ANKRD6: variants seen among roughly 807,000 people sequenced by gnomAD.
The protein encoded by ANKRD6 is ankyrin repeat domain-containing protein 6.
Under a neutral mutation model 82.3 loss-of-function variants are expected in ANKRD6, and 56 were observed. The ratio of observed to expected loss-of-function variants is 0.68; its 90% CI spans 0.55 to 0.85. The LOEUF is 0.85. Among genes scored for constraint, ANKRD6 ranks in the 40% least tolerant of loss-of-function variants. The pLI is 0.00. For missense variants in ANKRD6, 852 were observed against 907.6 expected (o/e 0.94, Z 0.79); for synonymous variants, 347 against 352.1 (o/e 0.99, Z 0.16).
chr6:89,460,602 A>G (rs1381085187), intron 1 of ANKRD6, among the ~76,000 whole-genome samples: 2 of 151,670 alleles, frequency 1.3e-5, no homozygotes, highest in East Asian at 3.9e-4. Context: ...CACCTGGCTA[A>G]TTTTTGTATT....
intron 1 of ANKRD6, among the ~76,000 whole-genome samples, chr6:89,564,370 TA>T (rs1257463799): frequency 2.0e-5 from 3 of 152,174 alleles, no homozygotes; most frequent in Non-Finnish European, 4.4e-5. Flanking sequence ...CTCACCACTG[TA>T]GTATTTTTCT....
intron 2 of ANKRD6, among the ~76,000 whole-genome samples, chr6:89,574,264 G>A (rs1035722550): frequency 1.3e-5 from 2 of 152,114 alleles, no homozygotes; most frequent in African/African-American, 4.8e-5. Context: ...CAGCATCTGT[G>A]GCTTCTTGCC....
At chr6:89,574,667 C>T (rs923067147) in intron 2 of ANKRD6, among the ~76,000 whole-genome samples, 3 of 152,172 alleles carry the variant, frequency 2.0e-5, no homozygotes, top group African/African-American at 4.8e-5. Context: ...TTTTAAACCT[C>T]ACCATGGCTA....
intron 7 of ANKRD6, chr6:89,616,310 C>T (rs1049726701): frequency 2.2e-5 from 11 of 500,300 alleles, no homozygotes; most frequent in Non-Finnish European, 3.2e-5. Context: ...TACTTTGCCC[C>T]TGCGTTTAAT....
chr6:89,491,900 C>T (rs970908954), intron 1 of ANKRD6, among the ~76,000 whole-genome samples: 1 of 152,300 alleles, frequency 6.6e-6, no homozygotes, highest in Admixed American at 6.5e-5. Flanking sequence ...ACAAACAGGT[C>T]GTGCTGTGTT....
intron 2 of ANKRD6, among the ~76,000 whole-genome samples, chr6:89,589,340 G>A (rs943132219): frequency 5.3e-5 from 8 of 152,166 alleles, no homozygotes; most frequent in African/African-American, 9.7e-5. Context: ...GCTCTGGTTC[G>A]CCTCCTTCCG....
chr6:89,465,426 AT>A (rs368915181), intron 1 of ANKRD6, among the ~76,000 whole-genome samples: 3,720 of 148,810 alleles, frequency 0.025, 66 homozygotes, highest in Middle Eastern at 0.062. Flanking sequence ...AGGCCTAATT[AT>A]TTTTTTTTTA....
intron 1 of ANKRD6, among the ~76,000 whole-genome samples, chr6:89,515,751 T>C (rs1188433551): frequency 1.3e-5 from 2 of 152,254 alleles, no homozygotes; most frequent in South Asian, 2.1e-4. Context: ...CTGGATAGGA[T>C]CTTGAGAGAA....
At chr6:89,555,756 A>T (rs1302203734) in intron 1 of ANKRD6, among the ~76,000 whole-genome samples, 1 of 152,112 alleles carries the variant, frequency 6.6e-6, no homozygotes, top group Non-Finnish European at 1.5e-5. Context: ...TTGGAAACAG[A>T]CTGGGATGAG....
chr6:89,618,167 TG>T, intron 9 of ANKRD6, 136 bp downstream of exon 9: 1 of 946,984 alleles, frequency 1.1e-6, no homozygotes, highest in Non-Finnish European at 1.7e-6. Flanking sequence ...GGTATAGGCA[TG>T]CATGGGGGCC....
chr6:89,621,846 C>T (rs753375406), intron 9 of ANKRD6, 76 bp from the exon 10 acceptor site: 244 of 1,427,618 alleles, frequency 1.7e-4, no homozygotes, highest in Non-Finnish European at 2.3e-4. Flanking sequence ...GGTCAGAGCC[C>T]CAGGTCCAAG....
intron 2 of ANKRD6, among the ~76,000 whole-genome samples, chr6:89,589,640 T>C (rs1162236443): frequency 1.3e-5 from 2 of 152,210 alleles, no homozygotes; most frequent in Admixed American, 6.5e-5. Context: ...CTAGGCATCA[T>C]TGTGATCACT....
intron 2 of ANKRD6, among the ~76,000 whole-genome samples, chr6:89,569,024 G>C (rs1007327038): frequency 4.0e-5 from 6 of 150,108 alleles, no homozygotes; most frequent in Non-Finnish European, 8.9e-5. Context: ...AGTGATCCTT[G>C]TGCCTCAGCC....
rs146391670 is a variant in ANKRD6, at chr6:89,470,230, A to G, written c.-144+36855A>G. On this transcript the variant is annotated intron_variant, in intron 1 of 15. Transcript: ENST00000339746. ...ACCTGCTTAAAAAAATTTCAACATT[A>G]TACTGGGTACATCTTTACAAGCTAG... 4.1e-3 allele frequency among the ~76,000 whole-genome samples: 619 copies of G among 152,332 alleles called. 4 individuals are homozygous for G. Among genetic ancestry groups the G allele is most frequent in the African/African-American group, 0.014 (579 of 41,564 alleles).
chr6:89,616,955 A>G, intron 8 of ANKRD6: 1 of 548,488 alleles, frequency 1.8e-6, no homozygotes, highest in Non-Finnish European at 3.5e-6. Context: ...ATGTTACCCA[A>G]AGTGAGTTCC....
At chr6:89,593,503 T>G (rs1332186641) in intron 2 of ANKRD6, among the ~76,000 whole-genome samples, 2 of 152,200 alleles carry the variant, frequency 1.3e-5, no homozygotes, top group Non-Finnish European at 2.9e-5. Context: ...TATAGCCCAC[T>G]TTTTTGGGGA....
intron 1 of ANKRD6, among the ~76,000 whole-genome samples, chr6:89,504,327 G>A (rs1397772547): frequency 1.3e-5 from 2 of 152,176 alleles, no homozygotes; most frequent in African/African-American, 4.8e-5. Flanking sequence ...ACGTGGGTTT[G>A]TAGGTTCTCC....
intron 1 of ANKRD6, among the ~76,000 whole-genome samples, chr6:89,493,961 T>C (rs1778317549): frequency 6.6e-6 from 1 of 152,144 alleles, no homozygotes; most frequent in Non-Finnish European, 1.5e-5. Context: ...TGACACTTGT[T>C]AAAATGGTAA....
intron 1 of ANKRD6, among the ~76,000 whole-genome samples, chr6:89,527,612 A>T (rs1349738572): frequency 4.0e-5 from 6 of 150,498 alleles, no homozygotes; most frequent in Admixed American, 4.0e-4. Context: ...AAAAAAAAAA[A>T]AAAAAAAAAA....
Sources: allele counts gnomAD v4.1 joint callset (sites outside exome capture counted in the v4.1 genomes callset), GRCh38; gene constraint gnomAD v4.1.1; transcripts MANE v1.5; gene names NCBI Gene and HGNC (gene_info 2026-07-23, HGNC 2026-07-21).